IL1R1: variants seen among roughly 807,000 people sequenced by gnomAD.
IL1R1 encodes interleukin 1 receptor type 1.
In IL1R1, 22 loss-of-function variants were observed where a neutral mutation model predicts 50.2. The ratio of observed to expected loss-of-function variants is 0.44; its 90% CI spans 0.31 to 0.63. The LOEUF is 0.63. Among genes scored for constraint, IL1R1 ranks in the 20% least tolerant of loss-of-function variants. The pLI, the probability that IL1R1 is intolerant of heterozygous loss-of-function variation, is 0.07. For synonymous variants in IL1R1, 251 were observed against 236.7 expected (o/e 1.06, Z -0.55); for missense variants, 509 against 676.2 (o/e 0.75, Z 2.74).
At chr2:102,101,147 T>G (rs1439883091), upstream of IL1R1, among the ~76,000 whole-genome samples, 1 of 152,240 alleles carries the variant, frequency 6.6e-6, no homozygotes, top group Non-Finnish European at 1.5e-5. Context: ...TCAGTGGTTC[T>G]GGGGTGGGCC....
upstream of IL1R1, among the ~76,000 whole-genome samples, chr2:102,102,631 C>G (rs755150509): frequency 2.0e-5 from 3 of 152,116 alleles, no homozygotes; most frequent in Non-Finnish European, 4.4e-5. Context: ...ACACAACTAC[C>G]ATTTGACTCA....
At chr2:102,170,967 A>G (rs1413244159) in intron 7 of IL1R1, among the ~76,000 whole-genome samples, 1 of 152,188 alleles carries the variant, frequency 6.6e-6, no homozygotes, top group African/African-American at 2.4e-5. Flanking sequence ...AGGCTGAGGC[A>G]TGAGAGTCAC....
chr2:102,123,344 T>A (rs1161284334), intron 1 of IL1R1, among the ~76,000 whole-genome samples: 1 of 152,064 alleles, frequency 6.6e-6, no homozygotes, highest in Admixed American at 6.6e-5. Context: ...TACATTTAGC[T>A]TTTTTTTGGA....
chr2:102,106,909 CTTATT>C (rs1680446454), intron 1 of IL1R1, among the ~76,000 whole-genome samples: 1 of 152,092 alleles, frequency 6.6e-6, no homozygotes, highest in African/African-American at 2.4e-5. Flanking sequence ...ATGTTCTTCT[CTTATT>C]AACAGTACTA....
intron 2 of IL1R1, among the ~76,000 whole-genome samples, chr2:102,154,464 G>A (rs1053377038): frequency 6.6e-6 from 1 of 152,100 alleles, no homozygotes; most frequent in East Asian, 1.9e-4. Flanking sequence ...CATCTTTTCC[G>A]AGCTGTCTGT....
chr2:102,138,767 C>T (rs1286961885), upstream of IL1R1, among the ~76,000 whole-genome samples: 1 of 152,150 alleles, frequency 6.6e-6, no homozygotes, highest in African/African-American at 2.4e-5. Context: ...CAGTGGTTTC[C>T]AATCTTTGTT....
At chr2:102,103,988 C>T (rs1273926217), upstream of IL1R1, among the ~76,000 whole-genome samples, 2 of 43,698 alleles carry the variant, frequency 4.6e-5, no homozygotes, top group Non-Finnish European at 8.5e-5. Flanking sequence ...AAGACTGTCT[C>T]AGAAAAAAAA....
At chr2:102,082,787 G>A (rs563896996) in intron 1 of IL1R1, among the ~76,000 whole-genome samples, 2 of 152,258 alleles carry the variant, frequency 1.3e-5, no homozygotes, top group African/African-American at 2.4e-5. Flanking sequence ...ACTGTTGCTC[G>A]GTCAGTGCAA....
chr2:102,118,740 G>C (rs186076042), intron 1 of IL1R1, among the ~76,000 whole-genome samples: 1 of 152,228 alleles, frequency 6.6e-6, no homozygotes, highest in Admixed American at 6.5e-5. Flanking sequence ...AAGTAGGGCC[G>C]GGTGTGGTGG....
intron 1 of IL1R1, among the ~76,000 whole-genome samples, chr2:102,144,052 G>A (rs530479616): frequency 1.3e-5 from 2 of 152,342 alleles, no homozygotes; most frequent in South Asian, 4.1e-4. Flanking sequence ...AGGAAAGCCA[G>A]AGGTGGCATG....
chr2:102,164,838 T>C lies in IL1R1; in HGVS notation c.126T>C (p.Arg42=). The C allele has an allele frequency of 6.2e-7, 1 of 1,614,100 alleles. No individual in the cohort carries two copies. Among genetic ancestry groups the C allele is most frequent in the Non-Finnish European group, 8.5e-7 (1 of 1,179,960 alleles). Residue 42 remains arginine (R), a synonymous_variant, in exon 4 of 12, where the codon CGT becomes CGC. Coordinates refer to ENST00000410023, the MANE Select transcript of IL1R1 (RefSeq NM_000877.4). The part of the protein sequence containing the change: ...LVSSANEIDV[R]PCPLNPNEHK... ...CATCTGCAAATGAAATTGATGTTCG[T>C]CCCTGTCCTCTTAACCCAAATGAAC...
chr2:102,163,804 G>A (rs1174462962), intron 3 of IL1R1, among the ~76,000 whole-genome samples: 6 of 152,066 alleles, frequency 3.9e-5, no homozygotes, highest in Non-Finnish European at 8.8e-5. Context: ...ACCATGTTGG[G>A]TGCTGGATAT....
At chr2:102,071,658 G>A (rs1207157477) in intron 1 of IL1R1, among the ~76,000 whole-genome samples, 1 of 152,182 alleles carries the variant, frequency 6.6e-6, no homozygotes, top group Non-Finnish European at 1.5e-5. Flanking sequence ...GCATTTCCCT[G>A]TATGTCCCCT....
At chr2:102,166,071 A>T in intron 5 of IL1R1, 42 bp from the exon 6 acceptor site, 1 of 1,545,702 alleles carries the variant, frequency 6.5e-7, no homozygotes, top group Non-Finnish European at 8.9e-7. Context: ...GGGGAAAGTT[A>T]TTGGTTATTG....
intron 1 of IL1R1, among the ~76,000 whole-genome samples, chr2:102,145,976 C>A (rs1683085221): frequency 7.9e-6 from 1 of 126,586 alleles, no homozygotes; most frequent in Non-Finnish European, 1.8e-5. Context: ...GCAAAGTGCT[C>A]AGGAAAAAAA....
intron 1 of IL1R1, among the ~76,000 whole-genome samples, chr2:102,120,988 C>G (rs1006755057): frequency 6.6e-6 from 1 of 152,196 alleles, no homozygotes; most frequent in Non-Finnish European, 1.5e-5. Flanking sequence ...CTGGTCTTGG[C>G]AAGCAGCTGC....
At chr2:102,113,042 C>T (rs1680864750) in intron 1 of IL1R1, among the ~76,000 whole-genome samples, 1 of 152,160 alleles carries the variant, frequency 6.6e-6, no homozygotes, top group South Asian at 2.1e-4. Context: ...GAACCGTGAT[C>T]TTACACTTCC....
At chr2:102,074,059 A>T (rs1678854635) in intron 1 of IL1R1, among the ~76,000 whole-genome samples, 1 of 152,188 alleles carries the variant, frequency 6.6e-6, no homozygotes, top group Non-Finnish European at 1.5e-5. Context: ...GATGAGCAGC[A>T]CGTGGTCTCT....
At chr2:102,112,547 T>C (rs1052079420) in intron 1 of IL1R1, among the ~76,000 whole-genome samples, 7 of 152,106 alleles carry the variant, frequency 4.6e-5, no homozygotes, top group African/African-American at 1.4e-4. Flanking sequence ...AAGGGACTCC[T>C]GGTGAATTCC....
Sources: gnomAD v4.1 joint callset for allele counts (sites outside exome capture counted in the v4.1 genomes callset) on GRCh38, gnomAD v4.1.1 for gene constraint, MANE v1.5 for transcripts, NCBI Gene and HGNC (gene_info 2026-07-23, HGNC 2026-07-21) for gene names.